Variants in STK39 observed in about 807,000 individuals in gnomAD.
The protein encoded by STK39 is STE20/SPS1-related proline-alanine-rich protein kinase.
In STK39, 20 loss-of-function variants were observed where a neutral mutation model predicts 77.8. The observed-to-expected ratio is 0.26, with a 90% CI of 0.18 to 0.37. STK39 has a LOEUF of 0.37. STK39 is among the 10% of genes least tolerant of loss of function. STK39 has a pLI of 1.00. For synonymous variants in STK39, 246 were observed against 234.1 expected (o/e 1.05, Z -0.47); for missense variants, 479 against 656.5 (o/e 0.73, Z 2.95).
At chr2:168,023,314 G>A (rs533721683) in intron 14 of STK39, among the ~76,000 whole-genome samples, 1 of 149,686 alleles carries the variant, frequency 6.7e-6, no homozygotes, top group African/African-American at 2.5e-5. Context: ...CAGAGATACA[G>A]ATTGGCGTGC....
At position 168,140,431 on chromosome 2, in the gene STK39, G is replaced by A. The variant is rs200484405; in HGVS notation, c.739-41C>T. ...GGAAAAAAACACAATCATACAGCAG[G>A]CATGTTACACATCATCAAGTCCATG... On this transcript the variant is annotated intron_variant, in intron 6 of 17. Coordinates refer to ENST00000355999, the MANE Select transcript of STK39 (RefSeq NM_013233.3). 7.9e-6 allele frequency: 12 copies of A among 1,526,150 alleles called. No individual in the cohort carries two copies. In the Middle Eastern group the frequency reaches 1.2e-3, roughly 151 times the overall value. The allele number at this position is 1,526,150 out of a possible 1,614,324, so 94.5% of individuals were successfully genotyped here.
intron 13 of STK39, among the ~76,000 whole-genome samples, chr2:168,064,907 T>C (rs1218449668): frequency 6.6e-6 from 1 of 150,970 alleles, no homozygotes; most frequent in Non-Finnish European, 1.5e-5. Context: ...TGGACTATTA[T>C]TTTTACAAGG....
At chr2:168,067,894 G>A (rs1176238046) in intron 12 of STK39, among the ~76,000 whole-genome samples, 1 of 152,102 alleles carries the variant, frequency 6.6e-6, no homozygotes, top group Non-Finnish European at 1.5e-5. Context: ...CCCAAGACTG[G>A]GTAATTTATA....
intron 1 of STK39, among the ~76,000 whole-genome samples, chr2:168,185,882 A>G (rs1043249678): frequency 1.3e-5 from 2 of 152,216 alleles, no homozygotes; most frequent in Non-Finnish European, 2.9e-5. Flanking sequence ...ACTAGATAAT[A>G]AAGTGCCAAA....
At chr2:168,242,960 A>G (rs1270326413) in intron 1 of STK39, among the ~76,000 whole-genome samples, 1 of 151,766 alleles carries the variant, frequency 6.6e-6, no homozygotes, top group Non-Finnish European at 1.5e-5. Flanking sequence ...TAAAAAAGAA[A>G]GTGAAATGAA....
At chr2:168,084,339 A>G (rs116313876) in intron 10 of STK39, among the ~76,000 whole-genome samples, 4,514 of 152,318 alleles carry the variant, frequency 0.03, 238 homozygotes, top group African/African-American at 0.1. Context: ...GAGTGACTTA[A>G]AGCAACAATT....
intron 1 of STK39, among the ~76,000 whole-genome samples, chr2:168,215,785 G>A (rs1690010868): frequency 2.6e-5 from 4 of 152,144 alleles, no homozygotes; most frequent in Admixed American, 2.6e-4. Context: ...TGGGCTAGGT[G>A]AGGAACTGTA....
chr2:168,082,158 A>G lies in STK39; in HGVS notation c.1090-6927T>C, dbSNP rs150109408. Among the ~76,000 whole-genome samples the G allele has an allele frequency of 3.5e-3, 539 of 152,140 alleles. 2 individuals are homozygous for G. Among genetic ancestry groups the G allele is most frequent in the Middle Eastern group, 6.8e-3 (2 of 294 alleles). On this transcript the variant is annotated intron_variant, in intron 10 of 17. Coordinates refer to ENST00000355999, the MANE Select transcript of STK39 (RefSeq NM_013233.3). ...CTCTGGGAGCACTCCTCATGTATCT[A>G]TTCACTTATTCCTTCCTTCAAGACA...
chr2:168,042,680 A>C (rs551996106), intron 14 of STK39, among the ~76,000 whole-genome samples: 15 of 151,322 alleles, frequency 9.9e-5, no homozygotes, highest in Admixed American at 9.2e-4. Context: ...TCTTGGGTGC[A>C]AGCAGTTCTC....
chr2:168,126,777 T>A (rs1177013749), intron 10 of STK39, among the ~76,000 whole-genome samples: 2 of 152,008 alleles, frequency 1.3e-5, no homozygotes, highest in Non-Finnish European at 2.9e-5. Context: ...AGGTGAGGGG[T>A]GGAGTATAGC....
At chr2:168,074,924 C>G (rs961815795) in intron 12 of STK39, 58 bp downstream of exon 12, 2 of 1,591,520 alleles carry the variant, frequency 1.3e-6, no homozygotes, top group Middle Eastern at 1.8e-4. Flanking sequence ...GGATCAGACT[C>G]TGATACCACA....
At chr2:168,074,303 T>C (rs1361588126) in intron 12 of STK39, among the ~76,000 whole-genome samples, 1 of 152,264 alleles carries the variant, frequency 6.6e-6, no homozygotes, top group East Asian at 1.9e-4. Context: ...ACTAGGTCTG[T>C]AAAATATTTG....
At chr2:168,198,656 A>C (rs1390457431) in intron 1 of STK39, among the ~76,000 whole-genome samples, 1 of 152,218 alleles carries the variant, frequency 6.6e-6, no homozygotes, top group Non-Finnish European at 1.5e-5. Flanking sequence ...GAGTGTGTGC[A>C]TTTGTCCTCA....
chr2:168,085,447 A>C (rs1686340900), intron 10 of STK39, among the ~76,000 whole-genome samples: 1 of 152,214 alleles, frequency 6.6e-6, no homozygotes. Flanking sequence ...GTGTATGTCC[A>C]GCAGATATTT....
intron 1 of STK39, among the ~76,000 whole-genome samples, chr2:168,202,557 C>T (rs1282269349): frequency 1.3e-5 from 2 of 152,112 alleles, no homozygotes; most frequent in Non-Finnish European, 2.9e-5. Flanking sequence ...CTCCCTCTAA[C>T]AAGCAGGAGA....
At chr2:168,143,548 TA>T (rs1424081437) in intron 5 of STK39, among the ~76,000 whole-genome samples, 2 of 151,910 alleles carry the variant, frequency 1.3e-5, no homozygotes, top group Non-Finnish European at 2.9e-5. Flanking sequence ...CCATCTCTAC[TA>T]AAAAAATACA....
In STK39 at chr2:167,978,830, G is replaced by C. The variant is rs114398714; in HGVS notation, c.1499-14104C>G. 8.7e-3 allele frequency among the ~76,000 whole-genome samples: 1,316 copies of C among 152,032 alleles called. 18 individuals carry two copies. The highest frequency in any genetic ancestry group is 0.03 in the African/African-American group (1,253 of 41,466). ...ATGTGTTTTCTGTCACTATAGATTA[G>C]TTTACATTTTCTAAATGCTACACAA... On this transcript the variant is annotated intron_variant, in intron 16 of 17. Coordinates refer to ENST00000355999, the MANE Select transcript of STK39 (RefSeq NM_013233.3).
At chr2:168,154,390 T>G (rs4668031) in intron 5 of STK39, among the ~76,000 whole-genome samples, 61,873 of 152,014 alleles carry the variant, frequency 0.41, 14,361 homozygotes, top group East Asian at 0.67. Context: ...TAATGACCAC[T>G]GGGGGCCTAG....
chr2:168,230,281 G>A (rs1244889893), intron 1 of STK39, among the ~76,000 whole-genome samples: 1 of 152,184 alleles, frequency 6.6e-6, no homozygotes, highest in East Asian at 1.9e-4. Context: ...CCCAAGGAAT[G>A]TGGCAGAGTG....
Sources: allele counts gnomAD v4.1 joint callset (sites outside exome capture counted in the v4.1 genomes callset), GRCh38; gene constraint gnomAD v4.1.1; transcripts MANE v1.5; gene names NCBI Gene and HGNC (gene_info 2026-07-23, HGNC 2026-07-21).